The following LSAMP variants were observed in gnomAD, a reference collection of about 807,000 sequenced individuals.
The protein encoded by LSAMP is limbic system-associated membrane protein.
In LSAMP, 7 loss-of-function variants were observed where a neutral mutation model predicts 38.6. That is an observed-to-expected ratio of 0.18 (90% CI 0.10 to 0.34). The LOEUF (loss-of-function observed/expected upper bound fraction) is 0.34. Among genes scored for constraint, LSAMP ranks in the 10% least tolerant of loss-of-function variants. The pLI is 1.00. For missense variants in LSAMP, 313 were observed against 420.0 expected (o/e 0.75, Z 2.23); for synonymous variants, 154 against 166.8 (o/e 0.92, Z 0.59).
At chr3:116,016,297 T>C (rs1483317796) in intron 3 of LSAMP, among the ~76,000 whole-genome samples, 9 of 152,172 alleles carry the variant, frequency 5.9e-5, no homozygotes, top group African/African-American at 2.2e-4. Context: ...GTTGGTTATT[T>C]AGGTCACATG....
At chr3:116,335,440 A>C (rs960310355) in intron 1 of LSAMP, among the ~76,000 whole-genome samples, 3 of 151,954 alleles carry the variant, frequency 2.0e-5, no homozygotes, top group Non-Finnish European at 4.4e-5. Context: ...AAACTGGAGG[A>C]CTCGCCCTTC....
intron 1 of LSAMP, among the ~76,000 whole-genome samples, chr3:116,312,986 C>A (rs1458987172): frequency 1.3e-5 from 2 of 152,234 alleles, no homozygotes; most frequent in South Asian, 4.2e-4. Context: ...CAGTGATGGT[C>A]TTAGTCAATG....
intron 1 of LSAMP, among the ~76,000 whole-genome samples, chr3:116,254,828 C>T (rs761817213): frequency 6.6e-6 from 1 of 152,192 alleles, no homozygotes; most frequent in Non-Finnish European, 1.5e-5. Context: ...TGGATAAAAA[C>T]TCATGATTTT....
intron 3 of LSAMP, among the ~76,000 whole-genome samples, chr3:115,959,385 T>C (rs143100102): frequency 1.3e-5 from 2 of 152,286 alleles, no homozygotes; most frequent in East Asian, 3.9e-4. Context: ...AGAGGCTGCA[T>C]AGGGAAGGTT....
At chr3:116,329,262 G>T (rs2047817548) in intron 1 of LSAMP, among the ~76,000 whole-genome samples, 1 of 152,128 alleles carries the variant, frequency 6.6e-6, no homozygotes. Flanking sequence ...TTTAGGGTTA[G>T]ACAAACTAAA....
chr3:116,335,665 G>T (rs1015144592), intron 1 of LSAMP, among the ~76,000 whole-genome samples: 2 of 151,996 alleles, frequency 1.3e-5, no homozygotes, highest in South Asian at 4.1e-4. Flanking sequence ...ATTATCATAA[G>T]GCAAACATGC....
At chr3:116,325,722 G>T (rs188448373) in intron 1 of LSAMP, among the ~76,000 whole-genome samples, 35 of 152,116 alleles carry the variant, frequency 2.3e-4, no homozygotes, top group African/African-American at 7.0e-4. Flanking sequence ...AGAGTTTTAG[G>T]GTTTAAGTAA....
intron 1 of LSAMP, among the ~76,000 whole-genome samples, chr3:116,154,623 T>G (rs1397958180): frequency 6.6e-6 from 1 of 152,172 alleles, no homozygotes; most frequent in African/African-American, 2.4e-5. Context: ...CCATCTGCAT[T>G]CAGCTCCACT....
intron 3 of LSAMP, among the ~76,000 whole-genome samples, chr3:115,899,924 A>G (rs1489700390): frequency 3.9e-5 from 6 of 152,186 alleles, no homozygotes; most frequent in African/African-American, 1.4e-4. Context: ...CCTGATGACC[A>G]TTAGGAATGG....
intron 1 of LSAMP, among the ~76,000 whole-genome samples, chr3:116,254,135 C>T (rs553303497): frequency 6.6e-6 from 1 of 152,122 alleles, no homozygotes; most frequent in Non-Finnish European, 1.5e-5. Context: ...GGGACCATCA[C>T]TTGGTATCCC....
At chr3:116,244,626 T>C (rs2046581229) in intron 1 of LSAMP, among the ~76,000 whole-genome samples, 1 of 152,240 alleles carries the variant, frequency 6.6e-6, no homozygotes, top group Admixed American at 6.5e-5. Flanking sequence ...CAGCATCTTG[T>C]ATTAATAATC....
At chr3:115,874,941 A>T (rs1374213358) in intron 3 of LSAMP, among the ~76,000 whole-genome samples, 1 of 152,130 alleles carries the variant, frequency 6.6e-6, no homozygotes, top group East Asian at 1.9e-4. Context: ...GTTTTCCTCA[A>T]ATTAAACAGA....
At chr3:115,870,960 C>A (rs1936015598) in intron 3 of LSAMP, among the ~76,000 whole-genome samples, 2 of 152,048 alleles carry the variant, frequency 1.3e-5, no homozygotes, top group Non-Finnish European at 2.9e-5. Flanking sequence ...AGTGTTTTCG[C>A]TTCCCACAGA....
intron 1 of LSAMP, among the ~76,000 whole-genome samples, chr3:116,317,546 G>A (rs2047648388): frequency 6.6e-6 from 1 of 151,624 alleles, no homozygotes; most frequent in Non-Finnish European, 1.5e-5. Context: ...CAGTAGAGAC[G>A]GAGTTTCACC....
intron 1 of LSAMP, among the ~76,000 whole-genome samples, chr3:116,272,868 A>G (rs904087345): frequency 2.0e-5 from 3 of 152,168 alleles, no homozygotes; most frequent in African/African-American, 7.2e-5. Context: ...GCAATAGTAA[A>G]CTAATTTTTT....
intron 1 of LSAMP, among the ~76,000 whole-genome samples, chr3:116,193,192 G>A (rs1245439932): frequency 6.6e-6 from 1 of 152,178 alleles, no homozygotes; most frequent in Non-Finnish European, 1.5e-5. Context: ...TGCTATGCTT[G>A]CAATTATTTG....
At chr3:116,402,676 A>G (rs2048854332) in intron 1 of LSAMP, among the ~76,000 whole-genome samples, 1 of 152,084 alleles carries the variant, frequency 6.6e-6, no homozygotes, top group African/African-American at 2.4e-5. Flanking sequence ...ATGCGAGTAT[A>G]TGCACATAAA....
chr3:116,421,355 G>C (rs1041660115), intron 1 of LSAMP, among the ~76,000 whole-genome samples: 9 of 151,776 alleles, frequency 5.9e-5, no homozygotes, highest in Non-Finnish European at 5.9e-5. Context: ...GGATCACCTG[G>C]GGTCAGGAGT....
chr3:115,985,617 G>A (rs904229883), intron 3 of LSAMP, among the ~76,000 whole-genome samples: 5 of 152,150 alleles, frequency 3.3e-5, no homozygotes, highest in African/African-American at 1.2e-4. Flanking sequence ...ACAAAAGACT[G>A]TGGCTTTGGT....
Sources: allele counts gnomAD v4.1 joint callset (sites outside exome capture counted in the v4.1 genomes callset), GRCh38; gene constraint gnomAD v4.1.1; transcripts MANE v1.5; gene names NCBI Gene and HGNC (gene_info 2026-07-23, HGNC 2026-07-21).